CACNA2D2: variants seen among roughly 807,000 people sequenced by gnomAD.
CACNA2D2 encodes the protein voltage-dependent calcium channel subunit alpha-2/delta-2.
A neutral mutation model predicts 166.4 loss-of-function variants in CACNA2D2; 48 were observed. The ratio of observed to expected loss-of-function variants is 0.29; its 90% CI spans 0.23 to 0.37. The LOEUF is 0.37. CACNA2D2 is among the 10% of genes least tolerant of loss of function. CACNA2D2 has a pLI of 1.00. For synonymous variants in CACNA2D2, 561 were observed against 573.7 expected, an observed-to-expected ratio of 0.98 and a Z score of 0.32; for missense variants, 1,122 against 1,433.0, an observed-to-expected ratio of 0.78 and a Z score of 3.50.
At chr3:50,478,531 G>A (rs1017022918) in intron 1 of CACNA2D2, among the ~76,000 whole-genome samples, 5 of 152,238 alleles carry the variant, frequency 3.3e-5, no homozygotes, top group African/African-American at 1.2e-4. Context: ...GACTCATTAT[G>A]TGCGAGGGCA....
intron 5 of CACNA2D2, among the ~76,000 whole-genome samples, chr3:50,386,623 T>A (rs2106698435): frequency 6.6e-6 from 1 of 152,320 alleles, no homozygotes; most frequent in African/African-American, 2.4e-5. Context: ...AGCCTGGCAC[T>A]GTGGATCCTG....
At chr3:50,453,936 C>G (rs1468354533) in intron 2 of CACNA2D2, among the ~76,000 whole-genome samples, 1 of 151,378 alleles carries the variant, frequency 6.6e-6, no homozygotes, top group African/African-American at 2.4e-5. Flanking sequence ...GTGGACACGA[C>G]CAGGCCCGGG....
intron 3 of CACNA2D2, among the ~76,000 whole-genome samples, chr3:50,402,620 G>A (rs914307961): frequency 4.6e-5 from 7 of 152,192 alleles, no homozygotes; most frequent in African/African-American, 1.7e-4. Flanking sequence ...CAGGCTGCTG[G>A]GGCTCTTTCC....
rs1704077441 is a variant in CACNA2D2, at chr3:50,364,077, G to C, written c.*589C>G. On this transcript the variant is annotated 3_prime_UTR_variant, in exon 38 of 38. Coordinates refer to ENST00000424201, the MANE Select transcript of CACNA2D2 (RefSeq NM_006030.4). ...ATCCTCAATGTTCCAGGTGTATATG[G>C]GGTAGTGTCTGAACTGGTATCACTG... 1 of 154,248 alleles carries C rather than the reference G, an allele frequency of 6.5e-6. No homozygotes were observed. Among genetic ancestry groups the C allele is most frequent in the African/African-American group, 2.4e-5 (1 of 41,468 alleles). The allele number at this position is 154,248 out of a possible 1,614,324, so 9.6% of individuals were successfully genotyped here.
intron 3 of CACNA2D2, among the ~76,000 whole-genome samples, chr3:50,422,187 C>T (rs1232630137): frequency 6.6e-6 from 1 of 152,176 alleles, no homozygotes; most frequent in Non-Finnish European, 1.5e-5. Flanking sequence ...CCTCTGACCC[C>T]TCCCCTGACA....
At chr3:50,378,259 G>C (rs1490687132) in intron 14 of CACNA2D2, 25 bp downstream of exon 14, 2 of 1,555,156 alleles carry the variant, frequency 1.3e-6, no homozygotes, top group Non-Finnish European at 1.7e-6. Flanking sequence ...CAGGGGCTGG[G>C]AGGAGGGGCC....
chr3:50,463,314 T>C (rs1289239153), intron 2 of CACNA2D2, among the ~76,000 whole-genome samples: 1 of 152,078 alleles, frequency 6.6e-6, no homozygotes, highest in Non-Finnish European at 1.5e-5. Context: ...TCTTTTTTTT[T>C]TTTTTGAAAC....
At chr3:50,400,349 G>C (rs1706387305) in intron 3 of CACNA2D2, among the ~76,000 whole-genome samples, 1 of 152,178 alleles carries the variant, frequency 6.6e-6, no homozygotes, top group Admixed American at 6.5e-5. Flanking sequence ...GCTCCAAGCA[G>C]GTGCGTCCAC....
chr3:50,365,130 C>T lies in CACNA2D2; in HGVS notation c.3153G>A (p.Glu1051=). The change falls in exon 36 of 38, where the codon GAG becomes GAA. Residue 1051 remains glutamate, a synonymous_variant. Coordinates refer to ENST00000424201, the MANE Select transcript of CACNA2D2 (RefSeq NM_006030.4). This position sits in a 1 kb window ranked among gnomAD's most constrained non-coding sequence, Gnocchi z 4.5. The part of the protein sequence containing the change: ...TNTNLLFVVA[E]KPLCSQCEAG... ...CCTCGCACTGGCTGCACAGCGGCTTCTCGGCCACCACAAAGAGAAGATTGG... is the reference window on the plus strand; with the variant it reads ...CCTCGCACTGGCTGCACAGCGGCTTTTCGGCCACCACAAAGAGAAGATTGG... 1 of 1,612,170 alleles carries T rather than the reference C, an allele frequency of 6.2e-7. No homozygotes were observed. The highest frequency in any genetic ancestry group is 8.5e-7 in the Non-Finnish European group (1 of 1,179,722).
chr3:50,485,530 G>A (rs991332858), intron 1 of CACNA2D2, among the ~76,000 whole-genome samples: 2 of 152,224 alleles, frequency 1.3e-5, no homozygotes, highest in Admixed American at 6.5e-5. Flanking sequence ...CATTATAAAC[G>A]TTGAGGCTGT....
In CACNA2D2 at chr3:50,378,308, G is replaced by T. The variant is rs760989430; in HGVS notation, c.1365C>A (p.Ile455=). The part of the protein sequence containing the change: ...NKGYYFEIPS[I]GAIRINTQEY... ...CCTGTGTGTTGATGCGGATGGCTCC[G>T]ATGGAAGGGATCTCAAAATAGTAGC... The change falls in exon 14 of 38, where the codon ATC becomes ATA. Residue 455 remains isoleucine (I), a synonymous_variant. Coordinates refer to ENST00000424201, the MANE Select transcript of CACNA2D2 (RefSeq NM_006030.4). The T allele has an allele frequency of 6.4e-7, 1 of 1,552,250 alleles. No individual in the cohort carries two copies. Among genetic ancestry groups the T allele is most frequent in the South Asian group, 1.2e-5 (1 of 84,188 alleles).
intron 22 of CACNA2D2, 24 bp downstream of exon 22, chr3:50,374,713 G>A (rs745373564): frequency 2.3e-5 from 36 of 1,575,500 alleles, no homozygotes; most frequent in Non-Finnish European, 2.9e-5. Flanking sequence ...GGTGCAGGGC[G>A]CAGGCAGGGG....
chr3:50,443,456 G>C (rs902822818), intron 2 of CACNA2D2, among the ~76,000 whole-genome samples: 1 of 152,238 alleles, frequency 6.6e-6, no homozygotes, highest in Admixed American at 6.5e-5. Context: ...AGAGAAACTG[G>C]CTGCAGACTA....
At chr3:50,451,975 T>C (rs892505664) in intron 2 of CACNA2D2, among the ~76,000 whole-genome samples, 9 of 152,160 alleles carry the variant, frequency 5.9e-5, no homozygotes, top group Admixed American at 5.2e-4. Flanking sequence ...ACAAGTCTCA[T>C]GATGTGGATG....
At chr3:50,382,795 G>A (rs2106680285) in intron 6 of CACNA2D2, among the ~76,000 whole-genome samples, 1 of 152,300 alleles carries the variant, frequency 6.6e-6, no homozygotes, top group Non-Finnish European at 1.5e-5. Flanking sequence ...GACAGGCTTA[G>A]AGCAGAGGGG....
chr3:50,447,476 G>A (rs77680767), intron 2 of CACNA2D2, among the ~76,000 whole-genome samples: 3 of 152,128 alleles, frequency 2.0e-5, no homozygotes, highest in African/African-American at 4.8e-5. Flanking sequence ...GGACAAGAGC[G>A]GAACAAATTG....
Position 50,366,986 on chromosome 3 carries a change from C to T in CACNA2D2, c.2500+25G>A. 1 of 1,613,128 alleles carries T rather than the reference C, an allele frequency of 6.2e-7. No individual in the cohort carries two copies. The highest frequency in any genetic ancestry group is 8.5e-7 in the Non-Finnish European group (1 of 1,179,422). Reference sequence around the variant, plus strand: ...GCAGTACCCTGTCCATTGCCTGTTTCCCCACCTCTGTCCCAAACATTCACC... The same window carrying T: ...GCAGTACCCTGTCCATTGCCTGTTTTCCCACCTCTGTCCCAAACATTCACC... On this transcript the variant is annotated intron_variant, in intron 28 of 37. Coordinates refer to ENST00000424201, the MANE Select transcript of CACNA2D2 (RefSeq NM_006030.4). The surrounding 1 kb of genome is among the most constrained non-coding windows in gnomAD (Gnocchi z 5.9).
chr3:50,381,200 T>C (rs1183403156), intron 6 of CACNA2D2, 74 bp from the exon 7 acceptor site: 9 of 1,532,670 alleles, frequency 5.9e-6, no homozygotes, highest in African/African-American at 1.4e-5. Context: ...ACGACACTCA[T>C]GCCTGTGCCC....
chr3:50,471,071 C>A (rs1710073226), intron 2 of CACNA2D2, among the ~76,000 whole-genome samples: 1 of 152,172 alleles, frequency 6.6e-6, no homozygotes, highest in African/African-American at 2.4e-5. Flanking sequence ...TCCCCACTGC[C>A]CCCCACCCTG....
Sources: gnomAD v4.1 joint callset for allele counts (sites outside exome capture counted in the v4.1 genomes callset) on GRCh38, gnomAD v4.1.1 for gene constraint, Gnocchi (gnomAD v3.1) non-coding constraint, MANE v1.5 for transcripts, NCBI Gene and HGNC (gene_info 2026-07-23, HGNC 2026-07-21) for gene names.